The following PKP2 variants were observed in gnomAD, a reference collection of about 807,000 sequenced individuals.
PKP2 encodes plakophilin 2.
In PKP2, 73 loss-of-function variants were observed where a neutral mutation model predicts 83.4. That is an observed-to-expected ratio of 0.88 (90% CI 0.72 to 1.06). The LOEUF is 1.06. PKP2 is among the 50% of genes least tolerant of loss of function. The pLI, the probability that PKP2 is intolerant of heterozygous loss-of-function variation, is 0.00. For synonymous variants in PKP2, 409 were observed against 430.4 expected (o/e 0.95, Z 0.62); for missense variants, 966 against 1,065.4 (o/e 0.91, Z 1.30).
chr12:32,861,890 G>GCA (rs1253572843), intron 4 of PKP2, among the ~76,000 whole-genome samples: 2 of 152,114 alleles, frequency 1.3e-5, no homozygotes, highest in Non-Finnish European at 2.9e-5. Flanking sequence ...AGACAGTGGA[G>GCA]CAACTTTCTT....
At chr12:32,831,916 G>A (rs1467534057) in intron 6 of PKP2, among the ~76,000 whole-genome samples, 1 of 152,150 alleles carries the variant, frequency 6.6e-6, no homozygotes, top group Non-Finnish European at 1.5e-5. Flanking sequence ...GACCAGGCAA[G>A]CATAGCCATA....
In PKP2 at chr12:32,850,945, A is replaced by T. The variant is rs761461735; in HGVS notation, c.1199T>A (p.Leu400His). Residue 400 changes from leucine (L) to histidine (H), a missense_variant, in exon 5 of 13, where the codon CTT (leucine) becomes CAT (histidine). Leu to His is a moderately conservative substitution (Grantham distance 99). Transcript: ENST00000340811. ...ATTCTGAACTTTTAGGAGCTGCAGA[A>T]GCTTGAGGATGCCACGAAGCTGGTT... ...RVNQLRGILK[L>H]LQLLKVQNED... The T allele has an allele frequency of 6.2e-7, 1 of 1,614,154 alleles. No homozygotes were observed. Among genetic ancestry groups the T allele is most frequent in the Non-Finnish European group, 8.5e-7 (1 of 1,180,024 alleles).
rs143818987 is a variant in PKP2, at chr12:32,843,492, C to G, written c.1379-2287G>C. On this transcript the variant is annotated intron_variant, in intron 5 of 12. Coordinates refer to ENST00000340811, the MANE Select transcript of PKP2 (RefSeq NM_001005242.3). The stretch of plus-strand genomic sequence containing the variant: ...ATATTTGGTCCAACCAATTAGAACA[C>G]ATTAGGCTTCATGCAGTCTTTTGGG... 1.6e-3 allele frequency among the ~76,000 whole-genome samples: 246 copies of G among 152,318 alleles called. 1 individual carries two copies. Among genetic ancestry groups the G allele is most frequent in the African/African-American group, 5.7e-3 (236 of 41,572 alleles).
At chr12:32,873,028 C>G (rs1259842160) in intron 3 of PKP2, among the ~76,000 whole-genome samples, 1 of 152,192 alleles carries the variant, frequency 6.6e-6, no homozygotes, top group Non-Finnish European at 1.5e-5. Context: ...ATTTGACTGT[C>G]AATCCTAGAG....
At chr12:32,848,690 G>A (rs1159661449) in intron 5 of PKP2, among the ~76,000 whole-genome samples, 1 of 152,070 alleles carries the variant, frequency 6.6e-6, no homozygotes, top group East Asian at 1.9e-4. Flanking sequence ...TATCTGTTGG[G>A]TACTATGCTG....
At position 32,865,681 on chromosome 12, in the gene PKP2, C is replaced by CAAAAAAAAAA. The variant is rs765071380; in HGVS notation, c.1170+3236_1170+3245dup. ...TGTCTGGAACAGAGTGACTCCGTCT[C>CAAAAAAAAAA]AAAAAAAAAAAGACAAATAGATCAA... is the stretch of plus-strand genomic sequence containing the variant. On this transcript the variant is annotated intron_variant, in intron 4 of 12. Coordinates refer to ENST00000340811, the MANE Select transcript of PKP2 (RefSeq NM_001005242.3). Among the ~76,000 whole-genome samples the CAAAAAAAAAA allele has an allele frequency of 1.1e-3, 110 of 103,658 alleles. 8 individuals carry two copies. The highest frequency in any genetic ancestry group is 5.8e-3 in the African/African-American group (104 of 17,876). The allele number at this position is 103,658 out of a possible 152,430, so 68.0% of individuals were successfully genotyped here.
chr12:32,869,140 C>T (rs886892150), intron 3 of PKP2, 78 bp from the exon 4 acceptor site: 36 of 1,536,382 alleles, frequency 2.3e-5, no homozygotes, highest in Non-Finnish European at 3.1e-5. Flanking sequence ...CCAGAGACGA[C>T]TCAGCGAATA....
intron 4 of PKP2, among the ~76,000 whole-genome samples, chr12:32,858,492 G>C (rs1956774247): frequency 1.3e-5 from 2 of 151,890 alleles, no homozygotes; most frequent in African/African-American, 2.4e-5. Context: ...ATAGGCAAAG[G>C]GTCAGTGAGA....
At chr12:32,857,040 C>T (rs1319279485) in intron 4 of PKP2, among the ~76,000 whole-genome samples, 1 of 152,212 alleles carries the variant, frequency 6.6e-6, no homozygotes, top group Non-Finnish European at 1.5e-5. Flanking sequence ...AGTGACTCTT[C>T]AGAGTCCATG....
chr12:32,860,952 C>T lies in PKP2; in HGVS notation c.1170+7975G>A, dbSNP rs547189554. 5.9e-5 allele frequency among the ~76,000 whole-genome samples: 9 copies of T among 152,126 alleles called. No homozygotes were observed. The East Asian group carries it at 9.7e-4, about 16-fold the overall frequency. Reference sequence around the variant, plus strand: ...CTGAGGCAAGAGAATCACTTGAACTCGGGAGGTGGAGGTTGCAGTGAGCTG... The same window carrying T: ...CTGAGGCAAGAGAATCACTTGAACTTGGGAGGTGGAGGTTGCAGTGAGCTG... On this transcript the variant is annotated intron_variant, in intron 4 of 12. Coordinates refer to ENST00000340811, the MANE Select transcript of PKP2 (RefSeq NM_001005242.3).
chr12:32,826,621 G>T (rs1287776445), intron 6 of PKP2, among the ~76,000 whole-genome samples: 1 of 151,724 alleles, frequency 6.6e-6, no homozygotes, highest in Non-Finnish European at 1.5e-5. Context: ...TGAAAAACTC[G>T]GACAGTTTGT....
rs781400459 is a variant in PKP2, at chr12:32,896,622, T to C, written c.110A>G (p.Lys37Arg). ...SSSLALPSEA[K>R]LKLAGSSGRG... ...GCCGCTGCTCCCCGCCAGCTTCAGC[T>C]TGGCCTCGGAGGGCAGCGCCAGGCT... Residue 37 changes from lysine (K) to arginine (R), a missense_variant, in exon 1 of 13, where the codon AAG becomes AGG. Lys to Arg is a conservative substitution (Grantham distance 26, BLOSUM62 2). Transcript: ENST00000340811. The C allele has an allele frequency of 3.8e-6, 6 of 1,582,654 alleles. No individual in the cohort carries two copies. In the Admixed American group the frequency reaches 5.2e-5, roughly 14 times the overall value.
chr12:32,853,516 T>TC (rs1482696254), intron 4 of PKP2, among the ~76,000 whole-genome samples: 1 of 151,074 alleles, frequency 6.6e-6, no homozygotes, highest in Non-Finnish European at 1.5e-5. Context: ...TACTTTTTTT[T>TC]TTTTTTTTGA....
At chr12:32,841,825 A>C (rs182863664) in intron 5 of PKP2, among the ~76,000 whole-genome samples, 1 of 152,320 alleles carries the variant, frequency 6.6e-6, no homozygotes, top group East Asian at 1.9e-4. Flanking sequence ...GTCCTCCAGC[A>C]ATTTATTCTG....
At chr12:32,811,939 T>C (rs917159723) in intron 9 of PKP2, among the ~76,000 whole-genome samples, 9 of 152,122 alleles carry the variant, frequency 5.9e-5, no homozygotes, top group African/African-American at 2.2e-4. Flanking sequence ...CCAAACACAG[T>C]TGAGTCATGC....
chr12:32,877,870 C>T lies in PKP2; in HGVS notation c.1010G>A (p.Ser337Asn), dbSNP rs144401285. Reference protein sequence around the residue: ...GGSGNLLTERSTFTDSQLGNA... With the variant: ...GGSGNLLTERNTFTDSQLGNA... ...CCCCAGCTGGGAGTCAGTGAAAGTG[C>T]TTCTCTCAGTGAGCAGATTCCCACT... Residue 337 changes from serine (S) to asparagine (N), a missense_variant, in exon 3 of 13, where the codon AGC becomes AAC. Transcript: ENST00000340811. The T allele has an allele frequency of 1.5e-5, 24 of 1,613,886 alleles. No homozygotes were observed. The African/African-American group carries it at 2.5e-4, about 17-fold the overall frequency.
At chr12:32,823,035 T>C (rs1390903330) in intron 7 of PKP2, among the ~76,000 whole-genome samples, 1 of 152,076 alleles carries the variant, frequency 6.6e-6, no homozygotes, top group African/African-American at 2.4e-5. Context: ...TAGAGGGAAG[T>C]GTAAGAACTG....
At chr12:32,876,219 T>C (rs1188530657) in intron 3 of PKP2, among the ~76,000 whole-genome samples, 2 of 152,042 alleles carry the variant, frequency 1.3e-5, no homozygotes, top group Admixed American at 6.5e-5. Flanking sequence ...ATGTAGCAGA[T>C]AAGGCCATCA....
chr12:32,805,492 G>C (rs2137732916), intron 9 of PKP2, among the ~76,000 whole-genome samples: 1 of 152,286 alleles, frequency 6.6e-6, no homozygotes, highest in African/African-American at 2.4e-5. Flanking sequence ...AAGGTACAAA[G>C]AAGGGGTCCA....
Sources: allele counts gnomAD v4.1 joint callset (sites outside exome capture counted in the v4.1 genomes callset), GRCh38; gene constraint gnomAD v4.1.1; transcripts MANE v1.5; gene names NCBI Gene and HGNC (gene_info 2026-07-23, HGNC 2026-07-21).